ANKRD11: variants seen among roughly 807,000 people sequenced by gnomAD.
ANKRD11 encodes ankyrin repeat domain 11, also known as ankyrin repeat domain-containing protein 11.
Under a neutral mutation model 195.7 loss-of-function variants are expected in ANKRD11, and 17 were observed. The observed-to-expected ratio is 0.09, with a 90% CI of 0.06 to 0.13. The LOEUF (loss-of-function observed/expected upper bound fraction) is 0.13, where lower values mean the gene tolerates loss of function less well. Among genes scored for constraint, ANKRD11 ranks in the 10% least tolerant of loss-of-function variants. The pLI, the probability that ANKRD11 is intolerant of heterozygous loss-of-function variation, is 1.00. For synonymous variants in ANKRD11, 1,953 were observed against 1,528.1 expected, an observed-to-expected ratio of 1.28 and a Z score of -6.49; for missense variants, 3,735 against 3,566.1, an observed-to-expected ratio of 1.05 and a Z score of -1.21.
At chr16:89,299,747 T>C (rs114330932) in intron 4 of ANKRD11, 3,206 of 39,636 alleles carry the variant, frequency 0.081, 168 homozygotes, top group East Asian at 0.36. Flanking sequence ...GGTCTGTGCC[T>C]TGTGTGGGGT....
intron 1 of ANKRD11, among the ~76,000 whole-genome samples, chr16:89,481,449 C>A (rs1487878802): frequency 6.6e-6 from 1 of 152,172 alleles, no homozygotes; most frequent in Non-Finnish European, 1.5e-5. Context: ...TCTAGCCACT[C>A]ATGACGTTGA....
chr16:89,400,784 C>G (rs890823663), intron 2 of ANKRD11, among the ~76,000 whole-genome samples: 3 of 146,428 alleles, frequency 2.0e-5, no homozygotes, highest in Non-Finnish European at 3.0e-5. Context: ...CTTCCCTGCG[C>G]TGGGGGCCGG....
At chr16:89,317,298 A>G (rs1390424453) in intron 2 of ANKRD11, among the ~76,000 whole-genome samples, 1 of 152,224 alleles carries the variant, frequency 6.6e-6, no homozygotes, top group African/African-American at 2.4e-5. Flanking sequence ...GAAGGAGAAC[A>G]GAGAAGGGTC....
At chr16:89,323,202 T>C in intron 2 of ANKRD11, 1 of 783,680 alleles carries the variant, frequency 1.3e-6, no homozygotes, top group East Asian at 6.5e-5. Context: ...GGGAGAGAAG[T>C]CTCCAACGGA....
At chr16:89,307,235 T>C (rs1291483935) in intron 3 of ANKRD11, among the ~76,000 whole-genome samples, 1 of 152,194 alleles carries the variant, frequency 6.6e-6, no homozygotes, top group Non-Finnish European at 1.5e-5. Context: ...GCTCCAGGGC[T>C]GAGATGCCCA....
intron 1 of ANKRD11, among the ~76,000 whole-genome samples, chr16:89,489,607 C>A (rs1056626428): frequency 6.6e-6 from 1 of 152,016 alleles, no homozygotes; most frequent in Non-Finnish European, 1.5e-5. Flanking sequence ...CAACTACGAC[C>A]AGCACGGCGA....
In ANKRD11 at chr16:89,410,163, T is replaced by C. The variant is rs149733310; in HGVS notation, c.-60+8121A>G. Among the ~76,000 whole-genome samples, 55 of 152,264 alleles carry C rather than the reference T, an allele frequency of 3.6e-4. No individual in the cohort carries two copies. In the East Asian group the frequency reaches 0.01, roughly 28 times the overall value. ...CTCAATCTAAATTTAAAACACAGTT[T>C]GCTGTTCAGCTACAGGGCAGAATTT... On this transcript the variant is annotated intron_variant, in intron 2 of 12. Coordinates refer to ENST00000301030, the MANE Select transcript of ANKRD11 (RefSeq NM_013275.6).
chr16:89,295,428 G>A (rs190393908), intron 4 of ANKRD11, among the ~76,000 whole-genome samples: 4 of 152,168 alleles, frequency 2.6e-5, no homozygotes, highest in Non-Finnish European at 4.4e-5. Flanking sequence ...CATCCACCTC[G>A]CCAGCCCTCT....
chr16:89,314,076 G>A (rs115029576), intron 3 of ANKRD11, among the ~76,000 whole-genome samples: 1 of 152,150 alleles, frequency 6.6e-6, no homozygotes, highest in Non-Finnish European at 1.5e-5. Flanking sequence ...ATACAAAAAT[G>A]AGCCGGGTGT....
chr16:89,465,798 C>A (rs1395991783), intron 1 of ANKRD11, among the ~76,000 whole-genome samples: 2 of 152,230 alleles, frequency 1.3e-5, no homozygotes. Context: ...GCAAGCTCCA[C>A]CTCCTGAGTT....
In ANKRD11 at chr16:89,280,317, G is replaced by A; in HGVS notation, c.6225C>T (p.Ala2075=). 2 of 1,589,408 alleles carry A rather than the reference G, an allele frequency of 1.3e-6. No individual in the cohort carries two copies. Among genetic ancestry groups the A allele is most frequent in the Non-Finnish European group, 8.6e-7 (1 of 1,167,664 alleles). The change falls in exon 9 of 13, where the codon GCC becomes GCT. Residue 2075 remains alanine, a synonymous_variant. Transcript: ENST00000301030. ...CGGGCTCGGGGGCCACGTCCAGCGG[G>A]GCTTCCGGAAGTGACTTGCAGTTGC... The part of the protein sequence containing the change: ...FFSNCKSLPE[A]PLDVAPEPAC...
rs151329092 is a variant in ANKRD11 at position 89,280,514 on chromosome 16, C to A, written c.6028G>T (p.Ala2010Ser). 2 of 1,608,898 alleles carry A rather than the reference C, an allele frequency of 1.2e-6. No homozygotes were observed. The highest frequency in any genetic ancestry group is 2.7e-5 in the African/African-American group (2 of 74,840). The change falls in exon 9 of 13, where the codon GCC (alanine) becomes TCC (serine). Residue 2010 changes from alanine to serine, a missense_variant. By Grantham distance (99) the Ala-to-Ser change is moderately conservative (BLOSUM62 1). Transcript: ENST00000301030. ...GGGGCGGGGTACGGCGCCTCCGAGGCGCTGAAGGGCCCTGGGGCGGCAGAG... is the reference window on the plus strand; with the variant it reads ...GGGGCGGGGTACGGCGCCTCCGAGGAGCTGAAGGGCCCTGGGGCGGCAGAG... ...LHSAAPGPFS[A>S]SEAPYPAPPA...
intron 1 of ANKRD11, among the ~76,000 whole-genome samples, chr16:89,456,614 C>T (rs2056448814): frequency 6.6e-6 from 1 of 151,472 alleles, no homozygotes; most frequent in South Asian, 2.1e-4. Context: ...CCTGCCTACA[C>T]CCAGACAATG....
At chr16:89,452,761 C>G (rs1597454489) in intron 1 of ANKRD11, among the ~76,000 whole-genome samples, 1 of 109,674 alleles carries the variant, frequency 9.1e-6, no homozygotes, top group African/African-American at 3.6e-5. Flanking sequence ...GCCTAGGCAA[C>G]AGAGAGAGAC....
intron 3 of ANKRD11, among the ~76,000 whole-genome samples, chr16:89,316,445 C>CA (rs1480150834): frequency 2.6e-5 from 4 of 152,176 alleles, no homozygotes; most frequent in Non-Finnish European, 5.9e-5. Context: ...CATCACCCCC[C>CA]ACACTGCAAG....
intron 2 of ANKRD11, among the ~76,000 whole-genome samples, chr16:89,355,629 T>C (rs946415853): frequency 1.7e-4 from 26 of 152,038 alleles, no homozygotes; most frequent in African/African-American, 5.5e-4. Flanking sequence ...ATCGCCAGGA[T>C]CAAAAGAAGG....
chr16:89,269,525 T>C (rs2032951967), intron 12 of ANKRD11, among the ~76,000 whole-genome samples: 1 of 152,286 alleles, frequency 6.6e-6, no homozygotes, highest in Non-Finnish European at 1.5e-5. Flanking sequence ...ATAATACCCT[T>C]TGGATGTTCC....
At chr16:89,415,318 G>T (rs1357302210) in intron 2 of ANKRD11, among the ~76,000 whole-genome samples, 3 of 137,070 alleles carry the variant, frequency 2.2e-5, no homozygotes, top group Admixed American at 7.9e-5. Flanking sequence ...AGGCTGGAGC[G>T]CAGTGGTGCG....
At chr16:89,362,040 A>G (rs1198247254) in intron 2 of ANKRD11, among the ~76,000 whole-genome samples, 1 of 152,258 alleles carries the variant, frequency 6.6e-6, no homozygotes, top group African/African-American at 2.4e-5. Context: ...CTAACCCTCA[A>G]GTGCTCCTCA....
Sources: gnomAD v4.1 joint callset for allele counts (sites outside exome capture counted in the v4.1 genomes callset) on GRCh38, gnomAD v4.1.1 for gene constraint, MANE v1.5 for transcripts, NCBI Gene and HGNC (gene_info 2026-07-23, HGNC 2026-07-21) for gene names.